The following SPATA13 variants were observed in gnomAD, a reference collection of about 807,000 sequenced individuals.
SPATA13 encodes the protein spermatogenesis associated 13, also known as spermatogenesis-associated protein 13.
In SPATA13, 50 loss-of-function variants were observed where a neutral mutation model predicts 104.0. The ratio of observed to expected loss-of-function variants is 0.48; its 90% CI spans 0.38 to 0.61. The LOEUF (loss-of-function observed/expected upper bound fraction) is 0.61. Ranked by LOEUF, SPATA13 falls within the 20% of genes least tolerant of loss-of-function variation. The pLI is 0.00. For missense variants in SPATA13, 1,524 were observed against 1,690.6 expected, an observed-to-expected ratio of 0.90 and a Z score of 1.73; for synonymous variants, 606 against 667.5, an observed-to-expected ratio of 0.91 and a Z score of 1.42.
At chr13:24,033,128 G>A (rs1162620898) in intron 3 of SPATA13, among the ~76,000 whole-genome samples, 1 of 152,198 alleles carries the variant, frequency 6.6e-6, no homozygotes, top group Non-Finnish European at 1.5e-5. Flanking sequence ...GCAGGTGAAA[G>A]TCCCCAGACC....
chr13:23,983,210 C>T (rs772556104), intron 1 of SPATA13, among the ~76,000 whole-genome samples: 17 of 151,326 alleles, frequency 1.1e-4, no homozygotes, highest in South Asian at 1.0e-3. Context: ...GCTGGTAGTC[C>T]GAGATCAAGG....
chr13:24,160,644 C>A, upstream of SPATA13: 1 of 888,742 alleles, frequency 1.1e-6, no homozygotes, highest in Non-Finnish European at 1.3e-6. Context: ...GGGGGCGTGG[C>A]CTGATATGGG....
At position 24,303,928 on chromosome 13, in the gene SPATA13, A is replaced by G. The variant is rs1259073143; in HGVS notation, c.*1155A>G. On this transcript the variant is annotated 3_prime_UTR_variant, in exon 13 of 13. Coordinates refer to ENST00000382108, the MANE Select transcript of SPATA13 (RefSeq NM_001166271.3). ...CCAAAAACAAAAACAAAAACAAAAA[A>G]CATTCAAACAACTGTTTGCAATATA... 1.3e-5 allele frequency: 2 copies of G among 152,272 alleles called. No homozygotes were observed. Among genetic ancestry groups the G allele is most frequent in the Non-Finnish European group, 2.9e-5 (2 of 68,052 alleles). The allele number at this position is 152,272 out of a possible 1,614,324, so 9.4% of individuals were successfully genotyped here.
chr13:24,175,716 G>C (rs1421539364), intron 1 of SPATA13, among the ~76,000 whole-genome samples: 1 of 152,190 alleles, frequency 6.6e-6, no homozygotes, highest in Non-Finnish European at 1.5e-5. Context: ...CTTCTAAACA[G>C]TTTGTTGACT....
At chr13:24,299,576 T>C (rs991403729) in intron 11 of SPATA13, among the ~76,000 whole-genome samples, 1 of 152,154 alleles carries the variant, frequency 6.6e-6, no homozygotes, top group Non-Finnish European at 1.5e-5. Context: ...ATGTTGGGCA[T>C]GTGAAGGAAT....
intron 3 of SPATA13, among the ~76,000 whole-genome samples, chr13:24,113,727 G>A (rs1352754192): frequency 6.6e-6 from 1 of 151,334 alleles, no homozygotes; most frequent in Admixed American, 6.6e-5. Flanking sequence ...AACATTAGCT[G>A]GACATGGTGG....
rs1879816654 is a variant in SPATA13 at position 24,088,749 on chromosome 13, T to C, written c.-112+71048T>C. Among the ~76,000 whole-genome samples the C allele has an allele frequency of 6.6e-6, 1 of 152,210 alleles. No individual in the cohort carries two copies. Among genetic ancestry groups the C allele is most frequent in the Non-Finnish European group, 1.5e-5 (1 of 68,032 alleles). ...GAGCTGCGTTTCCAGGGCCAGGTGC[T>C]GAGCCAGTTCTGAGAGCCAATCTGC... On this transcript the variant is annotated intron_variant, in intron 3 of 14. Coordinates refer to the SPATA13 transcript ENST00000424834. This position sits in a 1 kb window ranked among gnomAD's most constrained non-coding sequence, Gnocchi z 4.3.
intron 2 of SPATA13, among the ~76,000 whole-genome samples, chr13:24,004,047 T>TAGTTCACC (rs1876106173): frequency 6.6e-6 from 1 of 152,202 alleles, no homozygotes; most frequent in Non-Finnish European, 1.5e-5. Flanking sequence ...TCTCCTTGCA[T>TAGTTCACC]AGTTCCTGGT....
chr13:24,248,191 C>G (rs892412580), intron 2 of SPATA13, among the ~76,000 whole-genome samples: 1 of 152,234 alleles, frequency 6.6e-6, no homozygotes, highest in East Asian at 1.9e-4. Flanking sequence ...GACAACTGCT[C>G]TCTCATCAGG....
At chr13:24,190,629 G>A (rs568141434) in intron 1 of SPATA13, among the ~76,000 whole-genome samples, 1 of 151,908 alleles carries the variant, frequency 6.6e-6, no homozygotes, top group South Asian at 2.1e-4. Flanking sequence ...AAGAGAACTG[G>A]AATTAGAAGT....
At chr13:24,109,157 G>C (rs949217901) in intron 3 of SPATA13, among the ~76,000 whole-genome samples, 5 of 152,154 alleles carry the variant, frequency 3.3e-5, no homozygotes, top group Non-Finnish European at 7.4e-5. Context: ...CCCGCCCTCT[G>C]TCCAAGTGTT....
intron 1 of SPATA13, among the ~76,000 whole-genome samples, chr13:24,211,768 G>A (rs1282727534): frequency 1.3e-5 from 2 of 152,062 alleles, no homozygotes; most frequent in Non-Finnish European, 2.9e-5. Flanking sequence ...TTCTGCTGCC[G>A]GCTCCCATGA....
chr13:24,176,988 C>T (rs1210060228), intron 1 of SPATA13, among the ~76,000 whole-genome samples: 2 of 152,134 alleles, frequency 1.3e-5, no homozygotes, highest in Non-Finnish European at 2.9e-5. Context: ...AAGTCTCAAA[C>T]TCCTGACCTC....
chr13:23,996,616 C>CTGT (rs1555253095), intron 2 of SPATA13, among the ~76,000 whole-genome samples: 14 of 151,806 alleles, frequency 9.2e-5, no homozygotes, highest in Admixed American at 2.6e-4. Context: ...CTGTGCTTGG[C>CTGT]TGATTGGCTG....
At chr13:24,207,157 A>G (rs1338470577) in intron 1 of SPATA13, among the ~76,000 whole-genome samples, 1 of 152,186 alleles carries the variant, frequency 6.6e-6, no homozygotes, top group East Asian at 1.9e-4. Context: ...TGTAAGTGGG[A>G]GCTGAATGAT....
chr13:24,180,943 C>T (rs1241319191), intron 1 of SPATA13, among the ~76,000 whole-genome samples: 1 of 152,158 alleles, frequency 6.6e-6, no homozygotes, highest in African/African-American at 2.4e-5. Context: ...CTACAACACA[C>T]CCAGGCTCTC....
chr13:24,110,970 T>C (rs769975471), intron 3 of SPATA13, among the ~76,000 whole-genome samples: 3 of 152,152 alleles, frequency 2.0e-5, no homozygotes, highest in Non-Finnish European at 4.4e-5. Flanking sequence ...CAGGCTGGAC[T>C]TCAGTGATGC....
At chr13:24,083,550 T>C (rs1280734584) in intron 3 of SPATA13, among the ~76,000 whole-genome samples, 1 of 152,212 alleles carries the variant, frequency 6.6e-6, no homozygotes, top group Non-Finnish European at 1.5e-5. Context: ...TGGAGGTTTG[T>C]TGGGTTTCCC....
rs1877299674 is a variant in SPATA13, at chr13:24,302,770, A to G, written c.3831A>G (p.Lys1277=). 1 of 1,614,166 alleles carries G rather than the reference A, an allele frequency of 6.2e-7. No individual in the cohort carries two copies. Among genetic ancestry groups the G allele is most frequent in the Non-Finnish European group, 8.5e-7 (1 of 1,180,038 alleles). ...TCAACAGGCTCACCCCCTTCCGGAA[A>G]TGAAAACAGGAGGCTGTGCTTCCAT... ...HTFNRLTPFR[K] Residue 1277 remains lysine (K), a synonymous_variant, in exon 13 of 13, where the codon AAA becomes AAG. Transcript: ENST00000382108.
Sources: allele counts gnomAD v4.1 joint callset (sites outside exome capture counted in the v4.1 genomes callset), GRCh38; gene constraint gnomAD v4.1.1; non-coding constraint Gnocchi (gnomAD v3.1); transcripts MANE v1.5; gene names NCBI Gene and HGNC (gene_info 2026-07-23, HGNC 2026-07-21).